Variants in SLC11A2 observed in about 807,000 individuals in gnomAD.
SLC11A2 encodes the protein natural resistance-associated macrophage protein 2.
A neutral mutation model predicts 68.0 loss-of-function variants in SLC11A2; 38 were observed. The ratio of observed to expected loss-of-function variants is 0.56; its 90% CI spans 0.43 to 0.73. The LOEUF is 0.73. Ranked by LOEUF, SLC11A2 falls within the 30% of genes least tolerant of loss-of-function variation. SLC11A2 has a pLI of 0.00. For synonymous variants in SLC11A2, 242 were observed against 250.6 expected (o/e 0.97, Z 0.32); for missense variants, 517 against 690.5 (o/e 0.75, Z 2.82).
chr12:50,971,598 C>A, the SLC11A2 span, among the ~76,000 whole-genome samples: 1 of 152,252 alleles, frequency 6.6e-6, no homozygotes, highest in East Asian at 1.9e-4. Flanking sequence ...CCTTGGACTC[C>A]GCTCTAACTG....
intron 14 of SLC11A2, 51 bp downstream of exon 14, chr12:50,991,548 C>T: frequency 7.0e-7 from 1 of 1,437,564 alleles, no homozygotes; most frequent in Non-Finnish European, 9.8e-7. Context: ...CATGAAGATA[C>T]CCTTTCCCCA....
At chr12:51,019,977 C>T (rs779454940) in intron 1 of SLC11A2, among the ~76,000 whole-genome samples, 2 of 152,078 alleles carry the variant, frequency 1.3e-5, no homozygotes, top group East Asian at 1.9e-4. Context: ...TGCTCCCATT[C>T]GAGGTGTGGG....
At chr12:51,001,611 G>C (rs1324702942) in intron 5 of SLC11A2, among the ~76,000 whole-genome samples, 9 of 134,614 alleles carry the variant, frequency 6.7e-5, no homozygotes, top group African/African-American at 2.5e-4. Context: ...AAGAAAGAAA[G>C]AAAGAAAAAA....
At chr12:51,010,820 C>A in intron 1 of SLC11A2, 54 bp from the exon 2 acceptor site, 1 of 950,292 alleles carries the variant, frequency 1.1e-6, no homozygotes, top group South Asian at 1.5e-5. Flanking sequence ...CTAACAAGTT[C>A]AGAACCAGCA....
At chr12:51,003,038 C>T (rs1228649195) in intron 5 of SLC11A2, among the ~76,000 whole-genome samples, 2 of 151,710 alleles carry the variant, frequency 1.3e-5, no homozygotes, top group Non-Finnish European at 2.9e-5. Flanking sequence ...GAGTTCGAGA[C>T]CAGCCTGGCC....
At chr12:50,963,369 C>CAAAAAAAAAA in the SLC11A2 span, among the ~76,000 whole-genome samples, 180 of 72,124 alleles carry the variant, frequency 2.5e-3, no homozygotes, top group Non-Finnish European at 3.3e-3. Context: ...GACTCCATCT[C>CAAAAAAAAAA]AAAAAAAAAA....
intron 15 of SLC11A2, chr12:50,990,494 T>G: frequency 3.5e-6 from 1 of 288,230 alleles, no homozygotes; most frequent in Non-Finnish European, 6.5e-6. Context: ...AATATTATTT[T>G]GTAAACAGCT....
the SLC11A2 span, among the ~76,000 whole-genome samples, chr12:50,973,000 G>A: frequency 2.0e-5 from 3 of 152,320 alleles, no homozygotes; most frequent in South Asian, 2.1e-4. Context: ...TGCAAAGCTC[G>A]AACTGGGTGG....
At chr12:51,002,785 C>T (rs1185606709) in intron 5 of SLC11A2, among the ~76,000 whole-genome samples, 1 of 150,170 alleles carries the variant, frequency 6.7e-6, no homozygotes, top group Admixed American at 6.7e-5. Flanking sequence ...ACTAAAAATA[C>T]AAAAATTGGC....
At chr12:51,025,768 T>C (rs954781102) in intron 1 of SLC11A2, 2 of 985,622 alleles carry the variant, frequency 2.0e-6, no homozygotes, top group Admixed American at 6.1e-5. Context: ...AAAACCAATC[T>C]ACCCACAATT....
chr12:50,992,067 A>T, intron 13 of SLC11A2, 123 bp downstream of exon 13: 2 of 997,036 alleles, frequency 2.0e-6, no homozygotes, highest in Non-Finnish European at 3.2e-6. Flanking sequence ...TTTACTGCAG[A>T]CCACAACCAT....
chr12:50,999,363 G>A lies in SLC11A2; in HGVS notation c.589C>T (p.Leu197Phe), dbSNP rs1379350586. The A allele has an allele frequency of 6.2e-7, 1 of 1,613,900 alleles. No homozygotes were observed. The highest frequency in any genetic ancestry group is 8.5e-7 in the Non-Finnish European group (1 of 1,179,828). The part of the protein sequence containing the change: ...LITIADTFVF[L>F]FLDKYGLRKL... Reference sequence around the variant, plus strand: ...TCCTTACCATATTTGTCCAAGAAGAGAAATACAAAAGTATCTGCAATGGTG... The same window carrying A: ...TCCTTACCATATTTGTCCAAGAAGAAAAATACAAAAGTATCTGCAATGGTG... Residue 197 changes from leucine to phenylalanine, a missense_variant, in exon 7 of 16, where the codon CTC (leucine) becomes TTC (phenylalanine). Physicochemically the swap from Leu to Phe is conservative, Grantham distance 22 (BLOSUM62 0). Transcript: ENST00000262052.
chr12:50,981,512 A>C (rs1368672715), downstream of SLC11A2: 3 of 478,360 alleles, frequency 6.3e-6, no homozygotes, highest in Non-Finnish European at 1.1e-5. Flanking sequence ...CAATCGTTTA[A>C]CTCTGGGAGT....
At chr12:50,992,169 T>C (rs1592323248) in intron 13 of SLC11A2, 21 bp downstream of exon 13, 1 of 1,613,432 alleles carries the variant, frequency 6.2e-7, no homozygotes, top group Non-Finnish European at 8.5e-7. Flanking sequence ...CTAGGATGTG[T>C]TTCCTCAGCT....
Position 51,004,770 on chromosome 12 carries a change from G to A in SLC11A2, c.429+18C>T. The A allele has an allele frequency of 4.3e-6, 7 of 1,613,228 alleles. No homozygotes were observed. The highest frequency in any genetic ancestry group is 5.9e-6 in the Non-Finnish European group (7 of 1,179,522). On this transcript the variant is annotated intron_variant, in intron 5 of 15. Coordinates refer to ENST00000262052, the MANE Select transcript of SLC11A2 (RefSeq NM_000617.3). ...CTATGGCATGGGTGAGAGACAAACAGGACAATACATTGCTCACCTTGGGAT... is the reference window on the plus strand; with the variant it reads ...CTATGGCATGGGTGAGAGACAAACAAGACAATACATTGCTCACCTTGGGAT...
chr12:50,979,857 G>T, downstream of SLC11A2: 1 of 454,108 alleles, frequency 2.2e-6, no homozygotes, highest in South Asian at 1.6e-5. Context: ...ATTTAATGCT[G>T]AAAGGGGAAA....
chr12:50,995,682 A>G lies in SLC11A2; in HGVS notation c.937T>C (p.Phe313Leu), dbSNP rs1941637474. ...ALFVSFIINV[F>L]VVSVFAEAFF... ...GCTTCAGCAAAGACTGAGACAACAA[A>G]GACATTGATGATGAAGGAAACAAAG... Residue 313 changes from phenylalanine (F) to leucine (L), a missense_variant, in exon 10 of 16, where the codon TTT (phenylalanine) becomes CTT (leucine). Phe to Leu is a conservative substitution (Grantham distance 22). Coordinates refer to ENST00000262052, the MANE Select transcript of SLC11A2 (RefSeq NM_000617.3). 6.2e-7 allele frequency: 1 copy of G among 1,614,232 alleles called. No individual in the cohort carries two copies. The highest frequency in any genetic ancestry group is 8.5e-7 in the Non-Finnish European group (1 of 1,180,038).
In SLC11A2 at chr12:50,987,905, C is replaced by T. The variant is rs886049564; in HGVS notation, c.*420G>A. 2 of 1,273,390 alleles carry T rather than the reference C, an allele frequency of 1.6e-6. No individual in the cohort carries two copies. The highest frequency in any genetic ancestry group is 1.1e-4 in the East Asian group (2 of 17,988). 78.9% of individuals were successfully genotyped at this position (1,273,390 alleles called of 1,614,324 possible). A position where few individuals can be genotyped will look rare whatever the true frequency, so the allele number is the denominator to read the frequency against. Reference sequence around the variant, plus strand: ...GAAAATTTCTCAGCCTTTAAAAATCCATTACATTTTGATAAATAAAACTTG... The same window carrying T: ...GAAAATTTCTCAGCCTTTAAAAATCTATTACATTTTGATAAATAAAACTTG... On this transcript the variant is annotated 3_prime_UTR_variant, in exon 16 of 16. Coordinates refer to ENST00000262052, the MANE Select transcript of SLC11A2 (RefSeq NM_000617.3).
rs544830964 is a variant in SLC11A2, at chr12:51,009,715, C to T, written c.34+980G>A. On this transcript the variant is annotated intron_variant, in intron 2 of 15. Transcript: ENST00000262052. ...TCGCCCTGTATTTTACTGCTCCATA[C>T]ACATCTGAAACACCAGGAAGCATCA... Among the ~76,000 whole-genome samples the T allele has an allele frequency of 1.1e-3, 165 of 152,314 alleles. 1 individual carries two copies. The highest frequency in any genetic ancestry group is 3.9e-3 in the African/African-American group (161 of 41,550).
Sources: allele counts gnomAD v4.1 joint callset (sites outside exome capture counted in the v4.1 genomes callset), GRCh38; gene constraint gnomAD v4.1.1; transcripts MANE v1.5; gene names NCBI Gene and HGNC (gene_info 2026-07-23, HGNC 2026-07-21).